The following SYTL5 variants were observed in gnomAD, a reference collection of about 807,000 sequenced individuals.
SYTL5 encodes the protein synaptotagmin like 5.
SYTL5 carries 34 observed loss-of-function variants against 55.9 expected under a neutral mutation model. The observed-to-expected ratio is 0.61, with a 90% CI of 0.46 to 0.81. SYTL5 has a LOEUF of 0.81. SYTL5 is among the 30% of genes least tolerant of loss of function. SYTL5 has a pLI of 0.00. For synonymous variants in SYTL5, 221 were observed against 188.7 expected, an observed-to-expected ratio of 1.17 and a Z score of -1.40; for missense variants, 637 against 546.7, an observed-to-expected ratio of 1.17 and a Z score of -1.65.
At chrX:38,067,011 GT>G (rs1235209995) in intron 3 of SYTL5, among the ~76,000 whole-genome samples, 1 of 111,699 alleles carries the variant, frequency 9.0e-6, no homozygotes, top group Non-Finnish European at 1.9e-5. Flanking sequence ...CTAAGTATTA[GT>G]TTCCTGTTCT....
the SYTL5 span, among the ~76,000 whole-genome samples, chrX:37,929,662 C>G: frequency 1.8e-5 from 2 of 111,406 alleles, no homozygotes; most frequent in Admixed American, 1.9e-4. Context: ...CTAGCCTGAT[C>G]TGAGACAAAT....
chrX:38,114,004 A>G (rs1198742643), intron 13 of SYTL5, among the ~76,000 whole-genome samples: 1 of 111,478 alleles, frequency 9.0e-6, no homozygotes, highest in East Asian at 2.8e-4. Flanking sequence ...TCTCCATGGA[A>G]CTTTGCCTGA....
At chrX:38,040,153 G>A (rs747466849) in intron 2 of SYTL5, among the ~76,000 whole-genome samples, 181 of 104,803 alleles carry the variant, frequency 1.7e-3, no homozygotes, top group African/African-American at 6.3e-3. Context: ...CAACCTGGGC[G>A]ACAGAGCGAG....
rs554064675 is a variant in SYTL5 at position 38,065,821 on chromosome X, C to T, written c.330-6226C>T. Among the ~76,000 whole-genome samples, 36 of 111,794 alleles carry T rather than the reference C, an allele frequency of 3.2e-4. No homozygotes were observed. The South Asian group carries it at 0.013, about 41-fold the overall frequency. On this transcript the variant is annotated intron_variant, in intron 3 of 16. Transcript: ENST00000297875. Reference sequence around the variant, plus strand: ...TGCAATAAATATTTGCTGTGTAGGCCGGGCGTGGTGGCTCACACCTGTAAT... The same window carrying T: ...TGCAATAAATATTTGCTGTGTAGGCTGGGCGTGGTGGCTCACACCTGTAAT...
At chrX:37,921,064 TG>T in the SYTL5 span, among the ~76,000 whole-genome samples, 1 of 111,661 alleles carries the variant, frequency 9.0e-6, no homozygotes, top group Non-Finnish European at 1.9e-5. Flanking sequence ...TTTCTGTGCA[TG>T]AGGTGCCAAA....
the SYTL5 span, among the ~76,000 whole-genome samples, chrX:37,982,052 G>A: frequency 1.8e-5 from 2 of 111,893 alleles, no homozygotes; most frequent in African/African-American, 6.5e-5. Context: ...CCATATACCA[G>A]AAAAAAGCAG....
At chrX:37,916,965 G>T in the SYTL5 span, among the ~76,000 whole-genome samples, 1 of 111,373 alleles carries the variant, frequency 9.0e-6, no homozygotes, top group Non-Finnish European at 1.9e-5. Context: ...CATTTTTTCA[G>T]ATTTTCTTTG....
chrX:38,104,299 T>C (rs1027117760), intron 10 of SYTL5, among the ~76,000 whole-genome samples: 2 of 111,939 alleles, frequency 1.8e-5, no homozygotes, highest in African/African-American at 3.3e-5. Flanking sequence ...TGGTGCTCTG[T>C]GGTACCTCGA....
At position 38,076,634 on chromosome X, in the gene SYTL5, C is replaced by A; in HGVS notation, c.622C>A (p.Arg208=). 3.3e-6 allele frequency: 4 copies of A among 1,208,872 alleles called. No individual in the cohort carries two copies. In the East Asian group the frequency reaches 1.2e-4, roughly 36 times the overall value. The stretch of plus-strand genomic sequence containing the variant: ...CATAACTCCCAAAACTGACACTGGG[C>A]GGAGCTATAGCTTGGACTTAGACGG... ...EIITPKTDTG[R]SYSLDLDGQH... is the part of the protein sequence containing the mutation. The change falls in exon 6 of 17, where the codon CGG becomes AGG. Residue 208 remains arginine (R), a synonymous_variant. Coordinates refer to ENST00000297875, the MANE Select transcript of SYTL5 (RefSeq NM_138780.3).
upstream of SYTL5, among the ~76,000 whole-genome samples, chrX:38,004,738 T>G (rs896952795): frequency 1.3e-4 from 14 of 110,671 alleles, no homozygotes; most frequent in African/African-American, 4.3e-4. Flanking sequence ...ATTGAACTCA[T>G]GGAGATAGAG....
At chrX:38,086,170 C>G (rs1014618721) in intron 6 of SYTL5, among the ~76,000 whole-genome samples, 1 of 111,539 alleles carries the variant, frequency 9.0e-6, no homozygotes, top group African/African-American at 3.3e-5. Context: ...GGGCCTCAAT[C>G]CCCGGTATGG....
At chrX:38,089,313 G>A in intron 6 of SYTL5, 133 bp from the exon 7 acceptor site, 1 of 715,837 alleles carries the variant, frequency 1.4e-6, no homozygotes, top group Non-Finnish European at 2.0e-6. Context: ...TTTCTAAGCA[G>A]TTCCAGTGTG....
chrX:38,050,281 T>A (rs1442716983), intron 2 of SYTL5, among the ~76,000 whole-genome samples: 1 of 112,200 alleles, frequency 8.9e-6, no homozygotes, highest in Non-Finnish European at 1.9e-5. Context: ...GTGACAAGAA[T>A]TTTAATGAAA....
chrX:38,108,545 A>G (rs1338158748), intron 11 of SYTL5, 55 bp from the exon 12 acceptor site: 2 of 937,167 alleles, frequency 2.1e-6, no homozygotes, highest in Non-Finnish European at 3.0e-6. Flanking sequence ...GTCTTTGAAC[A>G]TTTCTTGCAA....
At chrX:38,051,818 T>C (rs1264603502) in intron 2 of SYTL5, among the ~76,000 whole-genome samples, 1 of 111,432 alleles carries the variant, frequency 9.0e-6, no homozygotes, top group Non-Finnish European at 1.9e-5. Flanking sequence ...TCTCACTCTG[T>C]TTAATCCACA....
upstream of SYTL5, among the ~76,000 whole-genome samples, chrX:38,004,574 A>G (rs1282779442): frequency 2.7e-5 from 3 of 112,067 alleles, no homozygotes; most frequent in African/African-American, 6.5e-5. Context: ...ACATATACAC[A>G]ATAGAGTGCT....
At chrX:38,091,383 G>C (rs1458168966) in intron 7 of SYTL5, among the ~76,000 whole-genome samples, 2 of 112,365 alleles carry the variant, frequency 1.8e-5, no homozygotes, top group Non-Finnish European at 3.8e-5. Context: ...AGCCATTTCT[G>C]TTCAATAGCT....
At position 38,110,426 on chromosome X, in the gene SYTL5, T is replaced by C; in HGVS notation, c.1540T>C (p.Phe514Leu). 1 of 1,209,189 alleles carries C rather than the reference T, an allele frequency of 8.3e-7. No homozygotes were observed. Among genetic ancestry groups the C allele is most frequent in the Non-Finnish European group, 1.1e-6 (1 of 894,087 alleles). Residue 514 changes from phenylalanine (F) to leucine (L), a missense_variant, in exon 13 of 17, where the codon TTT becomes CTT. Coordinates refer to ENST00000297875, the MANE Select transcript of SYTL5 (RefSeq NM_138780.3). ...CTTCCTCGGGGAAGTAGAGATTCCTTTTGACTCATGGAACTTTGAAAATCC... is the reference window on the plus strand; with the variant it reads ...CTTCCTCGGGGAAGTAGAGATTCCTCTTGACTCATGGAACTTTGAAAATCC... Reference protein sequence around the residue: ...NSFLGEVEIPFDSWNFENPTD... With the variant: ...NSFLGEVEIPLDSWNFENPTD...
At chrX:38,069,922 G>A (rs775921606) in intron 3 of SYTL5, among the ~76,000 whole-genome samples, 1 of 111,697 alleles carries the variant, frequency 9.0e-6, no homozygotes, top group East Asian at 2.8e-4. Flanking sequence ...TTTTGGTTTT[G>A]GTAGGTTATA....
Sources: allele counts gnomAD v4.1 joint callset (sites outside exome capture counted in the v4.1 genomes callset), GRCh38; gene constraint gnomAD v4.1.1; transcripts MANE v1.5; gene names NCBI Gene and HGNC (gene_info 2026-07-23, HGNC 2026-07-21).